STAT1: variants seen among roughly 807,000 people sequenced by gnomAD.
STAT1 encodes signal transducer and activator of transcription 1-alpha/beta.
In STAT1, 24 loss-of-function variants were observed where a neutral mutation model predicts 111.7. That is an observed-to-expected ratio of 0.21 (90% CI 0.16 to 0.30). STAT1 has a LOEUF of 0.30. STAT1 is among the 10% of genes least tolerant of loss of function. The probability of loss-of-function intolerance (pLI) is 1.00; values close to 1 mark genes in which losing one functional copy is unlikely to be tolerated. For missense variants in STAT1, 351 were observed against 911.9 expected (o/e 0.38, Z 7.92); for synonymous variants, 332 against 326.5 (o/e 1.02, Z -0.18).
Position 191,011,765 on chromosome 2 carries a change from C to T in STAT1, c.-2+1760G>A, listed in dbSNP as rs1695140494. On this transcript the variant is annotated intron_variant, in intron 2 of 24. Transcript: ENST00000361099. ...TTTCCCCTGCTTGCATCTATTCTCT[C>T]TCCTGCTGCCCCGTGAAGAGATGCC... 2.6e-5 allele frequency among the ~76,000 whole-genome samples: 4 copies of T among 152,284 alleles called. No homozygotes were observed. The South Asian group carries it at 8.3e-4, about 32-fold the overall frequency.
rs371661196 is a variant in STAT1, at chr2:190,994,949, TATATATATAA to T, written c.944+102_944+111del. The T allele has an allele frequency of 3.3e-3, 1,322 of 397,286 alleles. 66 individuals are homozygous for T. Among genetic ancestry groups the T allele is most frequent in the East Asian group, 0.02 (291 of 14,624 alleles). The allele number at this position is 397,286 out of a possible 1,614,324, so 24.6% of individuals were successfully genotyped here. A position where few individuals can be genotyped will look rare whatever the true frequency, so the allele number is the denominator to read the frequency against. On this transcript the variant is annotated intron_variant, in intron 10 of 24. Coordinates refer to ENST00000361099, the MANE Select transcript of STAT1 (RefSeq NM_007315.4). ...AAAAATATATATATATATATATATA[TATATATATAA>T]AAAACACCTATTAAACCCTTGTAAA...
chr2:190,975,772 T>A lies in STAT1; in HGVS notation c.2135+40A>T, dbSNP rs369953295. Reference sequence around the variant, plus strand: ...GGCCCCAGCCAGGAGCAAGGCTGGCTTGAGGTTTGTAAACATGTCACTCTT... The same window carrying A: ...GGCCCCAGCCAGGAGCAAGGCTGGCATGAGGTTTGTAAACATGTCACTCTT... On this transcript the variant is annotated intron_variant, in intron 23 of 24. Transcript: ENST00000361099. The surrounding 1 kb of genome is among the most constrained non-coding windows in gnomAD (Gnocchi z 5.9). 3 of 1,613,736 alleles carry A rather than the reference T, an allele frequency of 1.9e-6. No individual in the cohort carries two copies. Among genetic ancestry groups the A allele is most frequent in the Non-Finnish European group, 2.5e-6 (3 of 1,179,834 alleles).
At position 190,997,423 on chromosome 2, in the gene STAT1, C is replaced by A. The variant is rs567259512; in HGVS notation, c.785+433G>T. On this transcript the variant is annotated intron_variant, in intron 9 of 24. Transcript: ENST00000361099. This position sits in a 1 kb window ranked among gnomAD's most constrained non-coding sequence, Gnocchi z 7.3. The stretch of plus-strand genomic sequence containing the variant: ...CAAGAATCACTCATCCTTGTGTGCC[C>A]AGGTCCTACAGTGCCCGGCACACAG... Among the ~76,000 whole-genome samples, 2 of 152,332 alleles carry A rather than the reference C, an allele frequency of 1.3e-5. 1 individual carries two copies. The highest frequency in any genetic ancestry group is 4.8e-5 in the African/African-American group (2 of 41,566).
chr2:191,009,198 T>C (rs1469325716), intron 3 of STAT1, 91 bp from the exon 4 acceptor site: 1 of 1,416,636 alleles, frequency 7.1e-7, no homozygotes, highest in Non-Finnish European at 9.7e-7. Context: ...ATTGAAATTA[T>C]TAAAAATAAT....
In STAT1 at chr2:190,971,391, G is replaced by A. The variant is rs1691451411; in HGVS notation, c.2239-674C>T. Among the ~76,000 whole-genome samples the A allele has an allele frequency of 6.6e-6, 1 of 152,138 alleles. No individual in the cohort carries two copies. Among genetic ancestry groups the A allele is most frequent in the Admixed American group, 6.5e-5 (1 of 15,278 alleles). On this transcript the variant is annotated intron_variant, in intron 24 of 24. Transcript: ENST00000361099. This position sits in a 1 kb window ranked among gnomAD's most constrained non-coding sequence, Gnocchi z 4.1. ...GAAGACATTGCTGATTGTCCCATCT[G>A]GCTGTGAGGGTGCATGTGCTTACTG... is the stretch of plus-strand genomic sequence containing the variant.
rs199668489 is a variant in STAT1 at position 190,979,792 on chromosome 2, C to G, written c.1707G>C (p.Leu569=). ...ESILELIKKH[L]LPLWNDGCIM... ...CTTACCCATCATTCCAGAGAGGGAG[C>G]AGGTGTTTTTTAATGAGTTCTAGGA... The change falls in exon 20 of 25, where the codon CTG becomes CTC. Residue 569 remains leucine, a synonymous_variant. Transcript: ENST00000361099. This position sits in a 1 kb window ranked among gnomAD's most constrained non-coding sequence, Gnocchi z 5.8. 3 of 1,613,518 alleles carry G rather than the reference C, an allele frequency of 1.9e-6. No individual in the cohort carries two copies. The South Asian group carries it at 3.3e-5, about 18-fold the overall frequency.
Position 190,984,265 on chromosome 2 carries a change from G to C in STAT1, c.1347+45C>G. On this transcript the variant is annotated intron_variant, in intron 16 of 24. Coordinates refer to ENST00000361099, the MANE Select transcript of STAT1 (RefSeq NM_007315.4). The surrounding 1 kb of genome is among the most constrained non-coding windows in gnomAD (Gnocchi z 5.2). ...ATAAAAATACATGTAACAATTAAAA[G>C]TAAAAATAATGAAGTTTTCCAACTC... 7.0e-7 allele frequency: 1 copy of C among 1,437,522 alleles called. No individual in the cohort carries two copies. The highest frequency in any genetic ancestry group is 9.8e-7 in the Non-Finnish European group (1 of 1,020,250). 89.0% of individuals were successfully genotyped at this position (1,437,522 alleles called of 1,614,324 possible).
In STAT1 at chr2:190,995,958, G is replaced by A. The variant is rs1031433453; in HGVS notation, c.786-739C>T. Among the ~76,000 whole-genome samples, 47 of 152,140 alleles carry A rather than the reference G, an allele frequency of 3.1e-4. No homozygotes were observed. Among genetic ancestry groups the A allele is most frequent in the African/African-American group, 1.1e-3 (44 of 41,442 alleles). On this transcript the variant is annotated intron_variant, in intron 9 of 24. Transcript: ENST00000361099. The surrounding 1 kb of genome is among the most constrained non-coding windows in gnomAD (Gnocchi z 4.2). ...GTGCTTCCAGGTGATGCAAGAGGCA[G>A]CAAAGAGCCACTGCAGGTTCTGTCA...
In STAT1 at chr2:190,983,914, T is replaced by C. The variant is rs962355246; in HGVS notation, c.1348-174A>G. ...TGTCCAGTTTAACTTGTCTTTGATGTATCTTTCAGTTAAGAAATAAGTCCC... is the reference window on the plus strand; with the variant it reads ...TGTCCAGTTTAACTTGTCTTTGATGCATCTTTCAGTTAAGAAATAAGTCCC... On this transcript the variant is annotated intron_variant, in intron 16 of 24. Transcript: ENST00000361099. The surrounding 1 kb of genome is among the most constrained non-coding windows in gnomAD (Gnocchi z 5.7). Among the ~76,000 whole-genome samples the C allele has an allele frequency of 2.0e-5, 3 of 152,220 alleles. No homozygotes were observed. The highest frequency in any genetic ancestry group is 7.2e-5 in the African/African-American group (3 of 41,440).
Position 190,976,907 on chromosome 2 carries a change from C to T in STAT1, c.1992G>A (p.Leu664=). 3 of 1,614,134 alleles carry T rather than the reference C, an allele frequency of 1.9e-6. No individual in the cohort carries two copies. The highest frequency in any genetic ancestry group is 2.2e-5 in the South Asian group (2 of 91,078). Residue 664 remains leucine, a synonymous_variant, in exon 22 of 25, where the codon CTG becomes CTA. Transcript: ENST00000361099. The surrounding 1 kb of genome is among the most constrained non-coding windows in gnomAD (Gnocchi z 6.0). ...TGTCAATATTTGGATACAGATACTT[C>T]AGGGGATTCTCAGGAATATTCTCAG... The part of the protein sequence containing the change: ...MAAENIPENP[L]KYLYPNIDKD...
At chr2:190,992,044 A>G (rs1693388366) in intron 10 of STAT1, among the ~76,000 whole-genome samples, 1 of 152,368 alleles carries the variant, frequency 6.6e-6, no homozygotes. Context: ...ATTACTTCCA[A>G]TAAGTACGAT....
At position 190,999,736 on chromosome 2, in the gene STAT1, TG is replaced by T; in HGVS notation, c.463-33del. 6.6e-7 allele frequency: 1 copy of T among 1,521,506 alleles called. No individual in the cohort carries two copies. The highest frequency in any genetic ancestry group is 9.1e-7 in the Non-Finnish European group (1 of 1,096,754). 94.3% of individuals were successfully genotyped at this position (1,521,506 alleles called of 1,614,324 possible). A position where few individuals can be genotyped will look rare whatever the true frequency, so the allele number is the denominator to read the frequency against. Reference sequence around the variant, plus strand: ...ACAAAGATGTAAACATGTTTTCTACTGATCAGCAACTTCCAAAGACTTTAGG... The same window carrying T: ...ACAAAGATGTAAACATGTTTTCTACTATCAGCAACTTCCAAAGACTTTAGG... On this transcript the variant is annotated intron_variant, in intron 6 of 24. Coordinates refer to ENST00000361099, the MANE Select transcript of STAT1 (RefSeq NM_007315.4). The surrounding 1 kb of genome is among the most constrained non-coding windows in gnomAD (Gnocchi z 4.1).
rs774306421 is a variant in STAT1 at position 190,978,985 on chromosome 2, T to C, written c.1744A>G (p.Ile582Val). The C allele has an allele frequency of 3.1e-6, 5 of 1,614,086 alleles. No individual in the cohort carries two copies. The Admixed American group carries it at 8.3e-5, about 27-fold the overall frequency. ...AGGGCACGCTCTCGCTCCTTGCTGA[T>C]GAAGCCCATGATGCACCTGGATATC... Reference protein sequence around the residue: ...LWNDGCIMGFISKERERALLK... With the variant: ...LWNDGCIMGFVSKERERALLK... Residue 582 changes from isoleucine (I) to valine (V), a missense_variant, in exon 21 of 25, where the codon ATC (isoleucine) becomes GTC (valine). Transcript: ENST00000361099. The surrounding 1 kb of genome is among the most constrained non-coding windows in gnomAD (Gnocchi z 6.1).
Position 191,007,443 on chromosome 2 carries a change from C to G in STAT1, c.372+120G>C. Reference sequence around the variant, plus strand: ...ATCTCTAAATCTGATTCTCCCACTTCTTGGGGCTATAAAATTAGAGAGATA... The same window carrying G: ...ATCTCTAAATCTGATTCTCCCACTTGTTGGGGCTATAAAATTAGAGAGATA... On this transcript the variant is annotated intron_variant, in intron 5 of 24. Coordinates refer to ENST00000361099, the MANE Select transcript of STAT1 (RefSeq NM_007315.4). The surrounding 1 kb of genome is among the most constrained non-coding windows in gnomAD (Gnocchi z 4.2). 1.3e-6 allele frequency: 1 copy of G among 759,424 alleles called. No homozygotes were observed. Among genetic ancestry groups the G allele is most frequent in the Non-Finnish European group, 2.2e-6 (1 of 451,020 alleles). The allele number at this position is 759,424 out of a possible 1,614,324, so 47.0% of individuals were successfully genotyped here.
At chr2:190,992,302 A>C (rs1165828039) in intron 10 of STAT1, among the ~76,000 whole-genome samples, 5 of 152,244 alleles carry the variant, frequency 3.3e-5, no homozygotes, top group Admixed American at 3.3e-4. Flanking sequence ...CTTCATCTTC[A>C]GAAGACTATA....
At position 190,989,593 on chromosome 2, in the gene STAT1, T is replaced by C. The variant is rs771972661; in HGVS notation, c.1097+22A>G. ...ACATTTCAATAGTACATGTATGTTATATAATGTTAAAGATATCTTACTTAT... is the reference window on the plus strand; with the variant it reads ...ACATTTCAATAGTACATGTATGTTACATAATGTTAAAGATATCTTACTTAT... On this transcript the variant is annotated intron_variant, in intron 12 of 24. Coordinates refer to ENST00000361099, the MANE Select transcript of STAT1 (RefSeq NM_007315.4). The surrounding 1 kb of genome is among the most constrained non-coding windows in gnomAD (Gnocchi z 5.0). The C allele has an allele frequency of 2.2e-6, 3 of 1,358,614 alleles. No homozygotes were observed. The highest frequency in any genetic ancestry group is 3.1e-6 in the Non-Finnish European group (3 of 965,564). The allele number at this position is 1,358,614 out of a possible 1,614,324, so 84.2% of individuals were successfully genotyped here. A position where few individuals can be genotyped will look rare whatever the true frequency, so the allele number is the denominator to read the frequency against.
intron 3 of STAT1, among the ~76,000 whole-genome samples, 168 bp from the exon 4 acceptor site, chr2:191,009,275 G>A (rs1694946546): frequency 6.6e-6 from 1 of 151,916 alleles, no homozygotes; most frequent in Non-Finnish European, 1.5e-5. Context: ...CAGTTTATGT[G>A]GTATTTCTCT....
Position 190,969,752 on chromosome 2 carries a change from T to G in STAT1, c.*951A>C, listed in dbSNP as rs1356062539. ...GTCAGTTACTGCTTTTTCTACTCCT[T>G]TCCCAATTTTGTGGCTAATAGACTA... is the stretch of plus-strand genomic sequence containing the variant. On this transcript the variant is annotated 3_prime_UTR_variant, in exon 25 of 25. Transcript: ENST00000361099. 1 of 152,224 alleles carries G rather than the reference T, an allele frequency of 6.6e-6. No homozygotes were observed. Among genetic ancestry groups the G allele is most frequent in the Non-Finnish European group, 1.5e-5 (1 of 68,018 alleles). 9.4% of individuals were successfully genotyped at this position (152,224 alleles called of 1,614,324 possible).
intron 4 of STAT1, 75 bp downstream of exon 4, chr2:191,008,888 T>C (rs1432810639): frequency 2.0e-6 from 3 of 1,513,856 alleles, no homozygotes; most frequent in East Asian, 2.3e-5. Flanking sequence ...TGCTCAATTG[T>C]ATTTGCTGAA....
Sources: allele counts gnomAD v4.1 joint callset (sites outside exome capture counted in the v4.1 genomes callset), GRCh38; gene constraint gnomAD v4.1.1; non-coding constraint Gnocchi (gnomAD v3.1); transcripts MANE v1.5; gene names NCBI Gene and HGNC (gene_info 2026-07-23, HGNC 2026-07-21).